The following RGS11 variants were observed in gnomAD, a reference collection of about 807,000 sequenced individuals.
RGS11 encodes the protein regulator of G protein signaling 11.
RGS11 carries 86 observed loss-of-function variants against 71.1 expected under a neutral mutation model. The observed-to-expected ratio is 1.21, with a 90% CI of 1.02 to 1.45. RGS11 has a LOEUF of 1.45. Ranked by LOEUF, RGS11 falls within the 40% of genes most tolerant of loss-of-function variation. The pLI is 0.00. For synonymous variants in RGS11, 298 were observed against 254.2 expected, an observed-to-expected ratio of 1.17 and a Z score of -1.64; for missense variants, 734 against 635.1, an observed-to-expected ratio of 1.16 and a Z score of -1.67.
intron 4 of RGS11, 198 bp from the exon 5 acceptor site, chr16:274,463 T>C: frequency 1.6e-6 from 1 of 623,378 alleles, no homozygotes; most frequent in South Asian, 1.9e-5. Context: ...ACTCGCTCCT[T>C]AGGGCCCTGT....
intron 9 of RGS11, chr16:272,209 G>T: frequency 8.5e-7 from 1 of 1,181,116 alleles, no homozygotes. Context: ...CTACTAATGG[G>T]GATCACTGGG....
In RGS11 at chr16:272,919, C is replaced by G. The variant is rs541738418; in HGVS notation, c.601G>C (p.Asp201His). The G allele has an allele frequency of 4.6e-6, 7 of 1,517,226 alleles. No individual in the cohort carries two copies. Among genetic ancestry groups the G allele is most frequent in the Non-Finnish European group, 4.4e-6 (5 of 1,127,830 alleles). 94.0% of individuals were successfully genotyped at this position (1,517,226 alleles called of 1,614,324 possible). A position where few individuals can be genotyped will look rare whatever the true frequency, so the allele number is the denominator to read the frequency against. Residue 201 changes from aspartate to histidine, a missense_variant, in exon 9 of 17, where the codon GAT becomes CAT. Transcript: ENST00000397770. ...CGCCCTGGACCCTGCTCCAGCACAT[C>G]GGGGGCCCCGGGCTGCGGAGGGGAG... ...LVNRPPPGAPDVLEQGPGRGS... is the reference protein window; with the variant it reads ...LVNRPPPGAPHVLEQGPGRGS...
chr16:272,946 C>T lies in RGS11; in HGVS notation c.589-15G>A, dbSNP rs939302303. 2.6e-5 allele frequency: 39 copies of T among 1,486,118 alleles called. No homozygotes were observed. Among genetic ancestry groups the T allele is most frequent in the Admixed American group, 2.5e-4 (11 of 43,954 alleles). The allele number at this position is 1,486,118 out of a possible 1,614,324, so 92.1% of individuals were successfully genotyped here. A position where few individuals can be genotyped will look rare whatever the true frequency, so the allele number is the denominator to read the frequency against. ...GGGGCCCCGGGCTGCGGAGGGGAGA[C>T]GAGATGAGGTGGGGATGCAGTTCCG... On this transcript the variant is annotated splice_polypyrimidine_tract_variant and intron_variant, in intron 8 of 16. Coordinates refer to ENST00000397770, the MANE Select transcript of RGS11 (RefSeq NM_183337.3).
chr16:269,942 G>C, intron 15 of RGS11: 1 of 228,618 alleles, frequency 4.4e-6, no homozygotes, highest in Non-Finnish European at 8.6e-6. Context: ...GGTAGGCCAC[G>C]CATGGTGGCT....
At chr16:274,745 G>T (rs2141426176) in intron 4 of RGS11, 1 of 710,638 alleles carries the variant, frequency 1.4e-6, no homozygotes, top group Non-Finnish European at 2.5e-6. Context: ...CCCTGCTGTG[G>T]TCCCCAGGAA....
chr16:273,377 C>T, intron 8 of RGS11, 98 bp downstream of exon 8: 1 of 950,074 alleles, frequency 1.1e-6, no homozygotes, highest in South Asian at 1.7e-5. Flanking sequence ...CAGGTCCTTC[C>T]ACAGGCTCAA....
In RGS11 at chr16:273,486, T is replaced by G; in HGVS notation, c.577A>C (p.Asn193His). The G allele has an allele frequency of 6.4e-7, 1 of 1,551,674 alleles. No individual in the cohort carries two copies. ...ACQEQTYWLV[N>H]RPPPGAPDVL... ...GCAGGTGGGCTCACCGGGGGCCTGT[T>G]CACCAGCCAGTAGGTCTGCTCCTGG... The change falls in exon 8 of 17, where the codon AAC becomes CAC. Residue 193 changes from asparagine (N) to histidine (H), a missense_variant. Coordinates refer to ENST00000397770, the MANE Select transcript of RGS11 (RefSeq NM_183337.3).
In RGS11 at chr16:269,402, CT is replaced by C. The variant is rs757631443; in HGVS notation, c.1290-20del. 1.8e-5 allele frequency: 29 copies of C among 1,594,676 alleles called. No homozygotes were observed. Among genetic ancestry groups the C allele is most frequent in the Non-Finnish European group, 2.4e-5 (28 of 1,168,968 alleles). ...GAACACGCTGTGGGCGAGAAGGCGG[CT>C]GAGAACAGGCTGGCCAGCTGGTGTC... On this transcript the variant is annotated intron_variant, in intron 16 of 16. Coordinates refer to ENST00000397770, the MANE Select transcript of RGS11 (RefSeq NM_183337.3).
At chr16:272,457 C>G (rs142548627) in intron 9 of RGS11, 480 of 1,323,912 alleles carry the variant, frequency 3.6e-4, no homozygotes, top group Non-Finnish European at 4.3e-4. Flanking sequence ...CTCAGATGCT[C>G]CCTCTGGTCT....
intron 4 of RGS11, 151 bp from the exon 5 acceptor site, chr16:274,416 G>A: frequency 1.4e-6 from 1 of 736,884 alleles, no homozygotes. Flanking sequence ...AGACTCCACT[G>A]ACCACTGGCC....
At position 268,783 on chromosome 16, in the gene RGS11, C is replaced by G; in HGVS notation, c.*486G>C. On this transcript the variant is annotated 3_prime_UTR_variant, in exon 17 of 17. Coordinates refer to ENST00000397770, the MANE Select transcript of RGS11 (RefSeq NM_183337.3). ...TCTTGGGTCCTCTTCCAGGCTCACACTGGGCGACAGCGGAGAGGCTCTTGG... is the reference window on the plus strand; with the variant it reads ...TCTTGGGTCCTCTTCCAGGCTCACAGTGGGCGACAGCGGAGAGGCTCTTGG... 1 of 1,550,142 alleles carries G rather than the reference C, an allele frequency of 6.5e-7. No individual in the cohort carries two copies. Among genetic ancestry groups the G allele is most frequent in the Admixed American group, 2.0e-5 (1 of 51,006 alleles).
intron 15 of RGS11, 49 bp downstream of exon 15, chr16:270,474 C>A: frequency 6.5e-7 from 1 of 1,542,194 alleles, no homozygotes. Context: ...GACATGGAGG[C>A]CCGTCTGGGA....
Position 270,801 on chromosome 16 carries a change from T to C in RGS11, c.1010A>G (p.Glu337Gly). ...GENLSFWEAC[E>G]ELRYGAQAQV... is the part of the protein sequence containing the mutation. ...GGCCTGCGCTCCATATCGAAGCTCCTCACATGCCTCCCAGAAGCTGAGGTT... is the reference window on the plus strand; with the variant it reads ...GGCCTGCGCTCCATATCGAAGCTCCCCACATGCCTCCCAGAAGCTGAGGTT... The change falls in exon 14 of 17, where the codon GAG becomes GGG. Residue 337 changes from glutamate to glycine, a missense_variant. Physicochemically the swap from Glu to Gly is moderately conservative, Grantham distance 98. Coordinates refer to ENST00000397770, the MANE Select transcript of RGS11 (RefSeq NM_183337.3). The C allele has an allele frequency of 6.2e-7, 1 of 1,612,260 alleles. No individual in the cohort carries two copies. The highest frequency in any genetic ancestry group is 8.5e-7 in the Non-Finnish European group (1 of 1,179,844).
rs990672603 is a variant in RGS11 at position 272,315 on chromosome 16, T to C, written c.657+548A>G. ...TCCTGGCCTGTGTCCCCGCTCTCTC[T>C]GACCAGCTTTGTATGGGGAAATGTT... On this transcript the variant is annotated intron_variant, in intron 9 of 16. Transcript: ENST00000397770. The C allele has an allele frequency of 2.7e-4, 345 of 1,285,394 alleles. 1 individual carries two copies. Among genetic ancestry groups the C allele is most frequent in the Non-Finnish European group, 3.2e-4 (314 of 986,030 alleles). The allele number at this position is 1,285,394 out of a possible 1,614,324, so 79.6% of individuals were successfully genotyped here.
In RGS11 at chr16:275,080, C is replaced by T. The variant is rs1326336791; in HGVS notation, c.214G>A (p.Ala72Thr). Reference sequence around the variant, plus strand: ...ACCAGGACGGCGCCCAGGTGCAGGGCCTCTGGGGAGGGGTGGGACGGTGAG... The same window carrying T: ...ACCAGGACGGCGCCCAGGTGCAGGGTCTCTGGGGAGGGGTGGGACGGTGAG... Reference protein sequence around the residue: ...AQKFCVSEEEALHLGAVLVQH... With the variant: ...AQKFCVSEEETLHLGAVLVQH... The change falls in exon 4 of 17, where the codon GCC becomes ACC. Residue 72 changes from alanine to threonine, a missense_variant and splice_region_variant. Coordinates refer to ENST00000397770, the MANE Select transcript of RGS11 (RefSeq NM_183337.3). 2.7e-6 allele frequency: 4 copies of T among 1,478,734 alleles called. No homozygotes were observed. The highest frequency in any genetic ancestry group is 3.6e-6 in the Non-Finnish European group (4 of 1,115,138). 91.6% of individuals were successfully genotyped at this position (1,478,734 alleles called of 1,614,324 possible).
chr16:269,707 G>A (rs2051829318), intron 15 of RGS11, 122 bp from the exon 16 acceptor site: 2 of 776,846 alleles, frequency 2.6e-6, no homozygotes. Flanking sequence ...CGGCGGACAG[G>A]GTGCTGGAGG....
At position 270,649 on chromosome 16, in the gene RGS11, G is replaced by T. The variant is rs1004093406; in HGVS notation, c.1080C>A (p.Ala360=). ...LVDAVYEQFL[A]PGAAHWVNID... ...TGTTGACCCAGTGGGCAGCTCCGGGGGCCAGGAACTGCCTAGGGGTGGGGA... is the reference window on the plus strand; with the variant it reads ...TGTTGACCCAGTGGGCAGCTCCGGGTGCCAGGAACTGCCTAGGGGTGGGGA... Residue 360 remains alanine, a synonymous_variant, in exon 15 of 17, where the codon GCC becomes GCA. Transcript: ENST00000397770. 13 of 1,609,916 alleles carry T rather than the reference G, an allele frequency of 8.1e-6. No homozygotes were observed. The African/African-American group carries it at 1.5e-4, about 18-fold the overall frequency.
intron 9 of RGS11, 132 bp from the exon 10 acceptor site, chr16:271,701 AG>A: frequency 1.2e-6 from 1 of 834,978 alleles, no homozygotes; most frequent in Non-Finnish European, 2.0e-6. Context: ...CCAGGCCCCC[AG>A]TCCCGCCCCT....
chr16:269,806 A>G (rs1038230487), intron 15 of RGS11: 7 of 539,088 alleles, frequency 1.3e-5, no homozygotes, highest in Non-Finnish European at 2.3e-5. Flanking sequence ...AAAAATGGCA[A>G]GAGCCCTGGT....
Sources: gnomAD v4.1 joint callset for allele counts on GRCh38, gnomAD v4.1.1 for gene constraint, MANE v1.5 for transcripts, NCBI Gene and HGNC (gene_info 2026-07-23, HGNC 2026-07-21) for gene names.